WWP2: variants seen among roughly 807,000 people sequenced by gnomAD.
The protein encoded by WWP2 is NEDD4-like E3 ubiquitin-protein ligase WWP2.
In WWP2, 57 loss-of-function variants were observed where a neutral mutation model predicts 121.0. The observed-to-expected ratio is 0.47, with a 90% confidence interval of 0.38 to 0.59. The LOEUF (loss-of-function observed/expected upper bound fraction) is 0.59. WWP2 is among the 20% of genes least tolerant of loss of function. The pLI is 0.00. For synonymous variants in WWP2, 449 were observed against 441.3 expected, an observed-to-expected ratio of 1.02 and a Z score of -0.22; for missense variants, 962 against 1,158.9, an observed-to-expected ratio of 0.83 and a Z score of 2.47.
At chr16:69,846,681 A>C (rs2057086466) in intron 6 of WWP2, among the ~76,000 whole-genome samples, 1 of 151,792 alleles carries the variant, frequency 6.6e-6, no homozygotes, top group Non-Finnish European at 1.5e-5. Context: ...AGATTGCGCC[A>C]CTGCACTCCA....
At chr16:69,778,534 T>C (rs1049877768) in intron 1 of WWP2, among the ~76,000 whole-genome samples, 1 of 152,016 alleles carries the variant, frequency 6.6e-6, no homozygotes, top group African/African-American at 2.4e-5. Flanking sequence ...TTGTAGTGGA[T>C]AGTGGGGATT....
intron 10 of WWP2, among the ~76,000 whole-genome samples, chr16:69,921,589 A>G (rs1033515695): frequency 7.9e-5 from 12 of 152,108 alleles, no homozygotes; most frequent in Non-Finnish European, 1.8e-4. Flanking sequence ...CTAGTGTGCT[A>G]ATGTTGCCCG....
chr16:69,826,571 CAAAAAAA>C (rs762732099), intron 4 of WWP2, among the ~76,000 whole-genome samples: 1 of 37,234 alleles, frequency 2.7e-5, no homozygotes, highest in South Asian at 8.4e-4. Context: ...GACTCCGTCT[CAAAAAAA>C]AAAAAAAAAA....
intron 1 of WWP2, chr16:69,776,089 G>A (rs2055521140): frequency 6.6e-6 from 1 of 152,210 alleles, no homozygotes; most frequent in Non-Finnish European, 1.5e-5. Flanking sequence ...ATGGGGGAGG[G>A]GAAGCATTCT....
intron 11 of WWP2, among the ~76,000 whole-genome samples, chr16:69,927,564 A>C (rs572941543): frequency 3.7e-4 from 57 of 152,346 alleles, no homozygotes; most frequent in Non-Finnish European, 7.2e-4. Flanking sequence ...GGAGGCCTCC[A>C]CACAGCAGCA....
intron 8 of WWP2, among the ~76,000 whole-genome samples, chr16:69,898,694 T>C (rs543030511): frequency 6.6e-6 from 1 of 152,336 alleles, no homozygotes; most frequent in African/African-American, 2.4e-5. Flanking sequence ...GCAGGATTCT[T>C]TTTTGTTGTT....
In WWP2 at chr16:69,783,051, C is replaced by T. The variant is rs1399879878; in HGVS notation, c.-15-3945C>T. ...TTTGAGATGGAGTCTCACTCTCTCC[C>T]CCAGGCTGGGGTGCAGCGGCGTGAT... On this transcript the variant is annotated intron_variant, in intron 1 of 23. Coordinates refer to ENST00000359154, the MANE Select transcript of WWP2 (RefSeq NM_001270454.2). 2.7e-5 allele frequency: 4 copies of T among 150,840 alleles called. 1 individual carries two copies. The Admixed American group carries it at 2.7e-4, about 10-fold the overall frequency. The allele number at this position is 150,840 out of a possible 1,614,324, so 9.3% of individuals were successfully genotyped here.
At chr16:69,795,649 G>GGT (rs775180834) in intron 2 of WWP2, among the ~76,000 whole-genome samples, 4 of 66,954 alleles carry the variant, frequency 6.0e-5, no homozygotes, top group East Asian at 5.0e-4. Flanking sequence ...AAAATAGGAG[G>GGT]TTTTTTTTTT....
chr16:69,928,512 G>A (rs1483352674), intron 11 of WWP2, among the ~76,000 whole-genome samples: 5 of 152,156 alleles, frequency 3.3e-5, no homozygotes, highest in Non-Finnish European at 7.3e-5. Context: ...TCAGTAAAGG[G>A]CAAGAGAACA....
intron 6 of WWP2, among the ~76,000 whole-genome samples, chr16:69,863,654 GAAAC>G (rs922050864): frequency 1.8e-4 from 27 of 152,012 alleles, no homozygotes; most frequent in East Asian, 3.9e-4. Context: ...AACAAACAAA[GAAAC>G]AAACAAACAA....
chr16:69,833,016 A>G (rs143019601), intron 4 of WWP2, among the ~76,000 whole-genome samples: 49 of 152,018 alleles, frequency 3.2e-4, no homozygotes, highest in African/African-American at 1.2e-3. Context: ...ACCACGTCCA[A>G]CTAATTATTT....
intron 9 of WWP2, 62 bp from the exon 10 acceptor site, chr16:69,917,647 T>C (rs2058495798): frequency 3.8e-6 from 6 of 1,568,614 alleles, no homozygotes; most frequent in Non-Finnish European, 5.2e-6. Flanking sequence ...CTGAGACTTT[T>C]CTAGAATTGG....
At position 69,799,444 on chromosome 16, in the gene WWP2, T is replaced by A; in HGVS notation, c.340+149T>A. 1.1e-5 allele frequency: 12 copies of A among 1,099,346 alleles called. No homozygotes were observed. Among genetic ancestry groups the A allele is most frequent in the African/African-American group, 1.6e-5 (1 of 62,966 alleles). 68.1% of individuals were successfully genotyped at this position (1,099,346 alleles called of 1,614,324 possible). On this transcript the variant is annotated intron_variant, in intron 4 of 23. Coordinates refer to ENST00000359154, the MANE Select transcript of WWP2 (RefSeq NM_001270454.2). This position sits in a 1 kb window ranked among gnomAD's most constrained non-coding sequence, Gnocchi z 4.5. ...GCTGTCTTTGGAGTTTTGGGAAGGCTGAGGGCTCCTCTCTGCCTCCACTAC... is the reference window on the plus strand; with the variant it reads ...GCTGTCTTTGGAGTTTTGGGAAGGCAGAGGGCTCCTCTCTGCCTCCACTAC...
rs74029751 is a variant in WWP2, at chr16:69,905,171, C to T, written c.915-3590C>T. On this transcript the variant is annotated intron_variant, in intron 8 of 23. Transcript: ENST00000359154. ...GCTTGGCAGCGCTCTCTGAGCCTCT[C>T]CTGGTTCTGAGTGCTGCCCAGTTCC... Among the ~76,000 whole-genome samples, 1,239 of 152,310 alleles carry T rather than the reference C, an allele frequency of 8.1e-3. 20 individuals are homozygous for T. The highest frequency in any genetic ancestry group is 0.028 in the African/African-American group (1,145 of 41,562).
At chr16:69,853,964 C>T (rs2057265379) in intron 6 of WWP2, among the ~76,000 whole-genome samples, 1 of 152,128 alleles carries the variant, frequency 6.6e-6, no homozygotes, top group Admixed American at 6.5e-5. Context: ...GGGGCAGAGT[C>T]ATTTCTCTGA....
At position 69,937,298 on chromosome 16, in the gene WWP2, G is replaced by A; in HGVS notation, c.2238+60G>A. ...TGCCTCTGGGGCGATCCTGCTCTGT[G>A]ATACGCTCACTGTGTACCCACAGAC... On this transcript the variant is annotated intron_variant, in intron 20 of 23. Coordinates refer to ENST00000359154, the MANE Select transcript of WWP2 (RefSeq NM_001270454.2). This position sits in a 1 kb window ranked among gnomAD's most constrained non-coding sequence, Gnocchi z 6.6. 1 of 1,596,590 alleles carries A rather than the reference G, an allele frequency of 6.3e-7. No homozygotes were observed. Among genetic ancestry groups the A allele is most frequent in the East Asian group, 2.2e-5 (1 of 44,626 alleles).
chr16:69,927,012 A>T (rs1057292739), intron 11 of WWP2, among the ~76,000 whole-genome samples: 2 of 152,114 alleles, frequency 1.3e-5, no homozygotes, highest in Non-Finnish European at 2.9e-5. Context: ...CAGCTGATGG[A>T]GACTTGAAAA....
intron 11 of WWP2, among the ~76,000 whole-genome samples, chr16:69,928,512 G>GC (rs2058669554): frequency 6.6e-6 from 1 of 152,156 alleles, no homozygotes; most frequent in South Asian, 2.1e-4. Flanking sequence ...TCAGTAAAGG[G>GC]CAAGAGAACA....
intron 4 of WWP2, among the ~76,000 whole-genome samples, chr16:69,815,958 A>G (rs562263865): frequency 2.8e-4 from 42 of 152,174 alleles, no homozygotes; most frequent in African/African-American, 8.9e-4. Context: ...GGGTCTTACT[A>G]TGTTGCCCAG....
Sources: gnomAD v4.1 joint callset for allele counts (sites outside exome capture counted in the v4.1 genomes callset) on GRCh38, gnomAD v4.1.1 for gene constraint, Gnocchi (gnomAD v3.1) non-coding constraint, MANE v1.5 for transcripts, NCBI Gene and HGNC (gene_info 2026-07-23, HGNC 2026-07-21) for gene names.